EVC: variants seen among roughly 807,000 people sequenced by gnomAD.
EVC encodes EvC ciliary complex subunit 1, also known as evC complex member EVC.
Under a neutral mutation model 118.9 loss-of-function variants are expected in EVC, and 116 were observed. The ratio of observed to expected loss-of-function variants is 0.98; its 90% CI spans 0.84 to 1.14. The LOEUF is 1.14. Ranked by LOEUF, EVC falls within the 50% of genes most tolerant of loss-of-function variation. EVC has a pLI of 0.00. For synonymous variants in EVC, 619 were observed against 534.7 expected (o/e 1.16, Z -2.18); for missense variants, 1,401 against 1,246.4 (o/e 1.12, Z -1.87).
At chr4:5,735,934 G>A (rs1160746240) in intron 5 of EVC, among the ~76,000 whole-genome samples, 2 of 152,146 alleles carry the variant, frequency 1.3e-5, no homozygotes, top group African/African-American at 4.8e-5. Flanking sequence ...TGAGCCGCTG[G>A]GAGCTGTGCT....
At chr4:5,816,782 C>A (rs1160015005), downstream of EVC, among the ~76,000 whole-genome samples, 1 of 151,532 alleles carries the variant, frequency 6.6e-6, no homozygotes, top group Non-Finnish European at 1.5e-5. Flanking sequence ...CTGGCTCTCT[C>A]CTCATTTTGC....
chr4:5,801,614 A>G, intron 15 of EVC: 1 of 288,844 alleles, frequency 3.5e-6, no homozygotes, highest in South Asian at 3.5e-5. Context: ...TGGGAGATGG[A>G]GGTTGCAGTG....
At chr4:5,747,686 C>T (rs1291179958) in intron 7 of EVC, among the ~76,000 whole-genome samples, 1 of 152,234 alleles carries the variant, frequency 6.6e-6, no homozygotes, top group Non-Finnish European at 1.5e-5. Context: ...TTTTCATGGT[C>T]AGCATCCTCT....
At position 5,798,524 on chromosome 4, in the gene EVC, C is replaced by T; in HGVS notation, c.2098-62C>T. 6.6e-7 allele frequency: 1 copy of T among 1,518,462 alleles called. No homozygotes were observed. Among genetic ancestry groups the T allele is most frequent in the Non-Finnish European group, 8.9e-7 (1 of 1,119,174 alleles). 94.1% of individuals were successfully genotyped at this position (1,518,462 alleles called of 1,614,324 possible). ...ATAGGACCAGCCCCACATCCCAGTCCTGGCCAGAGCTTCTCTGTGAGAGGA... is the reference window on the plus strand; with the variant it reads ...ATAGGACCAGCCCCACATCCCAGTCTTGGCCAGAGCTTCTCTGTGAGAGGA... On this transcript the variant is annotated intron_variant, in intron 14 of 20. Transcript: ENST00000264956. This position sits in a 1 kb window ranked among gnomAD's most constrained non-coding sequence, Gnocchi z 4.1.
rs74876573 is a variant in EVC, at chr4:5,785,827, A to G, written c.1776+2063A>G. On this transcript the variant is annotated intron_variant, in intron 12 of 20. Coordinates refer to ENST00000264956, the MANE Select transcript of EVC (RefSeq NM_153717.3). ...CCTTTGCCCTGTATTCTTCGAAGGG[A>G]TCTAAATGAAGCTGAATTCTTCCTA... Among the ~76,000 whole-genome samples the G allele has an allele frequency of 9.6e-3, 1,465 of 152,336 alleles. 21 individuals are homozygous for G. The highest frequency in any genetic ancestry group is 0.032 in the African/African-American group (1,351 of 41,586).
chr4:5,729,317 C>A lies in EVC; in HGVS notation c.311C>A (p.Pro104Gln). 6.2e-7 allele frequency: 1 copy of A among 1,614,074 alleles called. No homozygotes were observed. Among genetic ancestry groups the A allele is most frequent in the Non-Finnish European group, 8.5e-7 (1 of 1,180,012 alleles). Residue 104 changes from proline (P) to glutamine (Q), a missense_variant, in exon 3 of 21, where the codon CCG becomes CAG. Coordinates refer to ENST00000264956, the MANE Select transcript of EVC (RefSeq NM_153717.3). ...GTCTTTCCCTCCCAGGAATGTGAGC[C>A]GCCTTCCAACAGCAATATCACAGCA... ...KDKEAVDECE[P>Q]PSNSNITAFA...
At chr4:5,793,497 G>A in intron 12 of EVC, 111 bp from the exon 13 acceptor site, 2 of 896,612 alleles carry the variant, frequency 2.2e-6, no homozygotes, top group South Asian at 1.4e-5. Context: ...GGCAGAAAGG[G>A]ATTTAAAAAA....
chr4:5,711,512 T>G lies in EVC; in HGVS notation c.132T>G (p.Leu44=). The G allele has an allele frequency of 3.5e-6, 4 of 1,157,016 alleles. No individual in the cohort carries two copies. Among genetic ancestry groups the G allele is most frequent in the Non-Finnish European group, 4.3e-6 (4 of 940,864 alleles). The allele number at this position is 1,157,016 out of a possible 1,614,324, so 71.7% of individuals were successfully genotyped here. The change falls in exon 1 of 21, where the codon CTT becomes CTG. Residue 44 remains leucine (L), a synonymous_variant. Coordinates refer to ENST00000264956, the MANE Select transcript of EVC (RefSeq NM_153717.3). ...CCGCGCTCGGCCTCGGCCTCGGCCT[T>G]TGGCTTGGCTGCCGCGCGGGCCGCC... ...LGAALGLGLG[L]WLGCRAGRQR... is the part of the protein sequence containing the mutation.
At chr4:5,783,194 AGT>A (rs1213445584) in intron 11 of EVC, among the ~76,000 whole-genome samples, 1 of 151,792 alleles carries the variant, frequency 6.6e-6, no homozygotes, top group African/African-American at 2.4e-5. Context: ...TGTATGTAGG[AGT>A]GTGTGCATGG....
the EVC span, chr4:5,828,432 G>A: frequency 6.3e-7 from 1 of 1,583,998 alleles, no homozygotes; most frequent in Non-Finnish European, 8.6e-7. Context: ...GATTCCCCAA[G>A]AGACGCTGTC....
intron 18 of EVC, 23 bp from the exon 19 acceptor site, chr4:5,809,495 G>C (rs1716542799): frequency 6.2e-7 from 1 of 1,607,202 alleles, no homozygotes; most frequent in Non-Finnish European, 8.5e-7. Flanking sequence ...CCAGCTGAAT[G>C]CTCCTCTCTG....
In EVC at chr4:5,798,959, C is replaced by T. The variant is rs1714483391; in HGVS notation, c.2304+167C>T. ...TCTCATCTGTAAGGTGGGATCTTCT[C>T]CCTCGCAGAATGGGGAGGGGCAGTC... On this transcript the variant is annotated intron_variant, in intron 15 of 20. Transcript: ENST00000264956. This position sits in a 1 kb window ranked among gnomAD's most constrained non-coding sequence, Gnocchi z 4.1. Among the ~76,000 whole-genome samples the T allele has an allele frequency of 6.6e-6, 1 of 152,180 alleles. No individual in the cohort carries two copies. The highest frequency in any genetic ancestry group is 2.1e-4 in the South Asian group (1 of 4,832).
intron 11 of EVC, among the ~76,000 whole-genome samples, chr4:5,761,333 C>G (rs1042325413): frequency 2.0e-5 from 3 of 152,004 alleles, no homozygotes; most frequent in Admixed American, 2.0e-4. Context: ...GGGTGTGAAT[C>G]TCAACCACCA....
At chr4:5,761,644 CATCTT>C (rs1274313680) in intron 11 of EVC, among the ~76,000 whole-genome samples, 2 of 151,896 alleles carry the variant, frequency 1.3e-5, no homozygotes, top group African/African-American at 2.4e-5. Flanking sequence ...GCAGGCGTCT[CATCTT>C]GTCTTTGTTC....
chr4:5,745,827 A>C (rs1322152832), intron 7 of EVC, among the ~76,000 whole-genome samples: 2 of 152,204 alleles, frequency 1.3e-5, no homozygotes, highest in Non-Finnish European at 2.9e-5. Flanking sequence ...TGTGCTGGGC[A>C]CTGGGGACTC....
At chr4:5,778,326 T>A (rs1735040038) in intron 11 of EVC, among the ~76,000 whole-genome samples, 1 of 152,050 alleles carries the variant, frequency 6.6e-6, no homozygotes, top group African/African-American at 2.4e-5. Flanking sequence ...TATAGCAGCA[T>A]GATTTATAGT....
Position 5,756,427 on chromosome 4 carries a change from A to T in EVC, c.1563+65A>T. The stretch of plus-strand genomic sequence containing the variant: ...GTCTGTGTGTGTGCGAGAACCTCAC[A>T]TCCTCCTGGCTGGGGACCCCAGAGG... On this transcript the variant is annotated intron_variant, in intron 11 of 20. Coordinates refer to ENST00000264956, the MANE Select transcript of EVC (RefSeq NM_153717.3). This position sits in a 1 kb window ranked among gnomAD's most constrained non-coding sequence, Gnocchi z 4.2. 7.1e-7 allele frequency: 1 copy of T among 1,407,082 alleles called. No homozygotes were observed. Among genetic ancestry groups the T allele is most frequent in the Non-Finnish European group, 9.9e-7 (1 of 1,014,104 alleles). 87.2% of individuals were successfully genotyped at this position (1,407,082 alleles called of 1,614,324 possible). A position where few individuals can be genotyped will look rare whatever the true frequency, so the allele number is the denominator to read the frequency against.
At chr4:5,793,423 A>G in intron 12 of EVC, 185 bp from the exon 13 acceptor site, 2 of 647,848 alleles carry the variant, frequency 3.1e-6, no homozygotes, top group East Asian at 5.6e-5. Context: ...TTTTTCCTAA[A>G]TGCAAATAGG....
At chr4:5,788,875 C>T (rs556904380) in intron 12 of EVC, among the ~76,000 whole-genome samples, 1 of 152,154 alleles carries the variant, frequency 6.6e-6, no homozygotes. Context: ...TTTCTTAAAA[C>T]ATCATGAGAT....
Sources: allele counts gnomAD v4.1 joint callset (sites outside exome capture counted in the v4.1 genomes callset), GRCh38; gene constraint gnomAD v4.1.1; non-coding constraint Gnocchi (gnomAD v3.1); transcripts MANE v1.5; gene names NCBI Gene and HGNC (gene_info 2026-07-23, HGNC 2026-07-21).